SNTG1: variants seen among roughly 807,000 people sequenced by gnomAD.
The protein encoded by SNTG1 is gamma-1-syntrophin.
SNTG1 carries 39 observed loss-of-function variants against 74.7 expected under a neutral mutation model. The observed-to-expected ratio is 0.52, with a 90% CI of 0.40 to 0.68. The LOEUF is 0.68. SNTG1 is among the 30% of genes least tolerant of loss of function. The pLI, the probability that SNTG1 is intolerant of heterozygous loss-of-function variation, is 0.00. For missense variants in SNTG1, 685 were observed against 609.5 expected (o/e 1.12, Z -1.30); for synonymous variants, 254 against 217.1 (o/e 1.17, Z -1.49).
chr8:50,638,631 AC>A (rs1225468797), intron 13 of SNTG1, among the ~76,000 whole-genome samples: 17 of 152,110 alleles, frequency 1.1e-4, no homozygotes, highest in African/African-American at 4.1e-4. Context: ...CAAAGCAGTT[AC>A]TTTTGAGGTT....
intron 1 of SNTG1, among the ~76,000 whole-genome samples, chr8:50,113,387 C>A (rs1323939145): frequency 6.6e-6 from 1 of 151,354 alleles, no homozygotes; most frequent in African/African-American, 2.4e-5. Flanking sequence ...TCACTCATGT[C>A]TTTTATTGGT....
At chr8:50,658,322 T>A (rs889224462) in intron 14 of SNTG1, among the ~76,000 whole-genome samples, 14 of 152,142 alleles carry the variant, frequency 9.2e-5, no homozygotes, top group Admixed American at 9.2e-4. Flanking sequence ...AATGCGTATA[T>A]TATTTAAGAT....
At chr8:50,128,516 A>G (rs1200084075) in intron 1 of SNTG1, among the ~76,000 whole-genome samples, 3 of 152,154 alleles carry the variant, frequency 2.0e-5, no homozygotes, top group Non-Finnish European at 4.4e-5. Context: ...ACATTCTTTC[A>G]AAAATTCCTA....
At chr8:49,956,098 G>C (rs551487896) in intron 1 of SNTG1, among the ~76,000 whole-genome samples, 84 of 152,274 alleles carry the variant, frequency 5.5e-4, no homozygotes, top group African/African-American at 1.9e-3. Context: ...TATTTAACAG[G>C]TTTCACCGAT....
intron 2 of SNTG1, among the ~76,000 whole-genome samples, chr8:50,327,744 C>A (rs1017300085): frequency 2.0e-5 from 3 of 151,606 alleles, no homozygotes; most frequent in African/African-American, 7.3e-5. Context: ...TTTTGTCTTC[C>A]ATTCTGTTTC....
chr8:49,955,668 A>G (rs1810091555), intron 1 of SNTG1, among the ~76,000 whole-genome samples: 1 of 152,212 alleles, frequency 6.6e-6, no homozygotes, highest in Non-Finnish European at 1.5e-5. Context: ...GGAGTTCCCA[A>G]TATTCGCATT....
chr8:50,119,496 T>C (rs1050821338), intron 1 of SNTG1, among the ~76,000 whole-genome samples: 1 of 141,274 alleles, frequency 7.1e-6, no homozygotes, highest in African/African-American at 2.6e-5. Flanking sequence ...AGAAACAAAA[T>C]GATGTGATGG....
intron 2 of SNTG1, among the ~76,000 whole-genome samples, chr8:50,209,565 G>A (rs904173644): frequency 2.0e-5 from 3 of 152,306 alleles, no homozygotes; most frequent in African/African-American, 7.2e-5. Flanking sequence ...CGTTCTGCAA[G>A]ATTTGCTGCT....
chr8:50,530,010 T>C (rs1024853464), intron 9 of SNTG1, among the ~76,000 whole-genome samples, 167 bp from the exon 10 acceptor site: 1 of 152,180 alleles, frequency 6.6e-6, no homozygotes, highest in Non-Finnish European at 1.5e-5. Flanking sequence ...CTGTAGTCAC[T>C]TGGCTTACTT....
intron 15 of SNTG1, among the ~76,000 whole-genome samples, chr8:50,668,880 TTGG>T (rs1382953763): frequency 2.0e-5 from 3 of 152,028 alleles, no homozygotes; most frequent in Non-Finnish European, 4.4e-5. Context: ...CAGTCTGTCA[TTGG>T]TGGGCATTTG....
At chr8:50,051,341 A>G (rs1317775139) in intron 1 of SNTG1, among the ~76,000 whole-genome samples, 1 of 152,066 alleles carries the variant, frequency 6.6e-6, no homozygotes, top group Non-Finnish European at 1.5e-5. Flanking sequence ...AAGTTTAAAT[A>G]TAAATTGTAT....
intron 1 of SNTG1, among the ~76,000 whole-genome samples, chr8:50,063,371 C>T (rs1348231371): frequency 6.6e-6 from 1 of 152,162 alleles, no homozygotes; most frequent in African/African-American, 2.4e-5. Context: ...TGTCATGTAT[C>T]TTCTATCAAA....
chr8:50,586,195 C>T (rs1421181236), intron 12 of SNTG1, among the ~76,000 whole-genome samples: 4 of 152,182 alleles, frequency 2.6e-5, no homozygotes, highest in Admixed American at 2.6e-4. Context: ...CACTTCTTAT[C>T]TTCAAAGGGA....
chr8:50,080,757 A>C (rs2131075373), intron 1 of SNTG1, among the ~76,000 whole-genome samples: 1 of 152,278 alleles, frequency 6.6e-6, no homozygotes, highest in South Asian at 2.1e-4. Flanking sequence ...CACAGCCAAT[A>C]TGCAAATGAG....
chr8:50,101,249 C>T (rs569890916), intron 1 of SNTG1, among the ~76,000 whole-genome samples: 90 of 152,074 alleles, frequency 5.9e-4, no homozygotes, highest in African/African-American at 1.8e-3. Flanking sequence ...CATACACATG[C>T]GTCTGTTTTT....
chr8:50,302,200 G>A (rs2089681931), intron 2 of SNTG1, among the ~76,000 whole-genome samples: 1 of 152,190 alleles, frequency 6.6e-6, no homozygotes, highest in Non-Finnish European at 1.5e-5. Flanking sequence ...TGTGGAAGCA[G>A]TTTATAGGTC....
At chr8:50,601,224 TG>T (rs1277025589) in intron 13 of SNTG1, among the ~76,000 whole-genome samples, 1 of 150,828 alleles carries the variant, frequency 6.6e-6, no homozygotes, top group Non-Finnish European at 1.5e-5. Flanking sequence ...GAAGGCTTTT[TG>T]TTTGTTTGGC....
At chr8:49,986,298 C>T (rs1813146081) in intron 1 of SNTG1, among the ~76,000 whole-genome samples, 1 of 152,080 alleles carries the variant, frequency 6.6e-6, no homozygotes, top group Admixed American at 6.5e-5. Context: ...GGTCACTGTT[C>T]TTCAGATAAT....
chr8:50,390,275 G>T (rs535995321), intron 2 of SNTG1, among the ~76,000 whole-genome samples: 1 of 152,138 alleles, frequency 6.6e-6, no homozygotes, highest in Non-Finnish European at 1.5e-5. Flanking sequence ...GTATAAGGAA[G>T]GGATCCATTT....
Sources: allele counts gnomAD v4.1 joint callset (sites outside exome capture counted in the v4.1 genomes callset), GRCh38; gene constraint gnomAD v4.1.1; transcripts MANE v1.5; gene names NCBI Gene and HGNC (gene_info 2026-07-23, HGNC 2026-07-21).